Variants in MIPOL1 observed in about 807,000 individuals in gnomAD.
MIPOL1 encodes mirror-image polydactyly 1, also known as mirror-image polydactyly gene 1 protein.
In MIPOL1, 57 loss-of-function variants were observed where a neutral mutation model predicts 60.9. The observed-to-expected ratio is 0.94, with a 90% confidence interval of 0.76 to 1.17. MIPOL1 has a LOEUF of 1.17. Among genes scored for constraint, MIPOL1 ranks in the 50% most tolerant of loss-of-function variants. MIPOL1 has a pLI of 0.00. For missense variants in MIPOL1, 551 were observed against 511.6 expected, an observed-to-expected ratio of 1.08 and a Z score of -0.74; for synonymous variants, 179 against 168.8, an observed-to-expected ratio of 1.06 and a Z score of -0.47.
chr14:37,480,293 T>G (rs1259962077), intron 11 of MIPOL1, among the ~76,000 whole-genome samples: 5 of 152,038 alleles, frequency 3.3e-5, no homozygotes, highest in Admixed American at 3.3e-4. Flanking sequence ...AACATAGATG[T>G]AAAAATTCTC....
Position 37,432,529 on chromosome 14 carries a change from A to G in MIPOL1, c.1031+9580A>G, listed in dbSNP as rs537033697. Among the ~76,000 whole-genome samples, 106 of 152,324 alleles carry G rather than the reference A, an allele frequency of 7.0e-4. 1 individual carries two copies. The highest frequency in any genetic ancestry group is 2.3e-3 in the African/African-American group (95 of 41,582). Reference sequence around the variant, plus strand: ...ATGACATGAACCTAGTCCAGCATGTAGGTTAGTTATTTACACGGATGTGGG... The same window carrying G: ...ATGACATGAACCTAGTCCAGCATGTGGGTTAGTTATTTACACGGATGTGGG... On this transcript the variant is annotated intron_variant, in intron 11 of 12. Transcript: ENST00000684589.
At chr14:37,260,679 C>A (rs917437977) in intron 3 of MIPOL1, among the ~76,000 whole-genome samples, 4 of 151,992 alleles carry the variant, frequency 2.6e-5, no homozygotes, top group Non-Finnish European at 5.9e-5. Flanking sequence ...ATTATGTAGA[C>A]CAATGAAAGT....
intron 12 of MIPOL1, among the ~76,000 whole-genome samples, chr14:37,509,706 T>C (rs1010669578): frequency 1.3e-5 from 2 of 150,706 alleles, no homozygotes; most frequent in Non-Finnish European, 3.0e-5. Flanking sequence ...GATATATATG[T>C]ATGTTTATGT....
intron 10 of MIPOL1, among the ~76,000 whole-genome samples, chr14:37,397,383 G>A (rs1425474081): frequency 6.6e-6 from 1 of 151,754 alleles, no homozygotes; most frequent in East Asian, 1.9e-4. Flanking sequence ...GGTGGTGGGA[G>A]TGGGGAGGGG....
chr14:37,369,821 A>G (rs887919371), intron 10 of MIPOL1, 197 bp downstream of exon 10: 2 of 322,112 alleles, frequency 6.2e-6, no homozygotes, highest in African/African-American at 4.3e-5. Flanking sequence ...CGTGAAAACA[A>G]CACATTTTCT....
intron 1 of MIPOL1, among the ~76,000 whole-genome samples, chr14:37,230,679 A>T (rs1445215522): frequency 6.6e-6 from 1 of 152,228 alleles, no homozygotes; most frequent in Non-Finnish European, 1.5e-5. Flanking sequence ...CATGTTATAG[A>T]TGAAAAGCTG....
At chr14:37,455,571 C>G (rs1476232283) in intron 11 of MIPOL1, among the ~76,000 whole-genome samples, 1 of 152,080 alleles carries the variant, frequency 6.6e-6, no homozygotes, top group Non-Finnish European at 1.5e-5. Context: ...CACCAGTATA[C>G]TTTTGCTCAT....
chr14:37,228,325 C>CTTTTTTTTTTT (rs397961053), intron 1 of MIPOL1, among the ~76,000 whole-genome samples: 4 of 105,172 alleles, frequency 3.8e-5, no homozygotes, highest in Non-Finnish European at 4.2e-5. Flanking sequence ...TCTTTCTTTT[C>CTTTTTTTTTTT]TTTTTTTTTT....
intron 1 of MIPOL1, among the ~76,000 whole-genome samples, chr14:37,202,321 C>G (rs1965468123): frequency 6.6e-6 from 1 of 152,054 alleles, no homozygotes; most frequent in African/African-American, 2.4e-5. Flanking sequence ...ACTATCAATT[C>G]ATTGCAGTTA....
At chr14:37,285,649 T>G (rs2084495113) in intron 7 of MIPOL1, among the ~76,000 whole-genome samples, 1 of 151,612 alleles carries the variant, frequency 6.6e-6, no homozygotes, top group Admixed American at 6.6e-5. Flanking sequence ...TGGAGTGCAG[T>G]GGCGCAATCT....
intron 3 of MIPOL1, among the ~76,000 whole-genome samples, chr14:37,248,317 G>A (rs961246152): frequency 1.3e-5 from 2 of 151,800 alleles, no homozygotes; most frequent in African/African-American, 4.8e-5. Context: ...GACACAGGAA[G>A]GAAGATACTT....
At chr14:37,364,501 T>G (rs1453785740) in intron 9 of MIPOL1, among the ~76,000 whole-genome samples, 2 of 152,226 alleles carry the variant, frequency 1.3e-5, no homozygotes, top group Non-Finnish European at 1.5e-5. Flanking sequence ...CCCCAGTGTA[T>G]GTTCTTGGCA....
intron 11 of MIPOL1, among the ~76,000 whole-genome samples, chr14:37,489,811 C>T (rs1344502044): frequency 6.6e-6 from 1 of 152,166 alleles, no homozygotes; most frequent in African/African-American, 2.4e-5. Flanking sequence ...CTGCCTGTTC[C>T]CTCCTCTGGA....
chr14:37,511,947 G>T (rs924336685), intron 12 of MIPOL1, among the ~76,000 whole-genome samples: 23 of 152,062 alleles, frequency 1.5e-4, no homozygotes, highest in Non-Finnish European at 4.4e-5. Context: ...TGTAAGAAAA[G>T]ATGTATCAAC....
At chr14:37,328,454 T>C (rs1483327610) in intron 9 of MIPOL1, among the ~76,000 whole-genome samples, 1 of 152,140 alleles carries the variant, frequency 6.6e-6, no homozygotes, top group Non-Finnish European at 1.5e-5. Context: ...TCAAAGCTTC[T>C]TAAAAGTTTT....
intron 11 of MIPOL1, among the ~76,000 whole-genome samples, chr14:37,437,891 C>G (rs2094186884): frequency 6.6e-6 from 1 of 152,022 alleles, no homozygotes; most frequent in South Asian, 2.1e-4. Context: ...ATCATTAGCT[C>G]TTTTTTGAGA....
chr14:37,330,710 A>ATTTTT (rs11472946), intron 9 of MIPOL1, among the ~76,000 whole-genome samples: 57 of 138,614 alleles, frequency 4.1e-4, no homozygotes, highest in African/African-American at 1.0e-3. Context: ...TGTCCTCTTC[A>ATTTTT]TTTTTTTTTT....
At chr14:37,530,802 G>A (rs2095474162) in intron 12 of MIPOL1, among the ~76,000 whole-genome samples, 1 of 151,612 alleles carries the variant, frequency 6.6e-6, no homozygotes, top group Non-Finnish European at 1.5e-5. Flanking sequence ...TAAGCAGCTG[G>A]AGGCTGCATG....
intron 9 of MIPOL1, among the ~76,000 whole-genome samples, chr14:37,351,242 T>C (rs1232406307): frequency 2.7e-5 from 4 of 147,214 alleles, no homozygotes; most frequent in African/African-American, 1.0e-4. Context: ...ATGAACTCAT[T>C]CTTTTTTATG....
Sources: allele counts gnomAD v4.1 joint callset (sites outside exome capture counted in the v4.1 genomes callset), GRCh38; gene constraint gnomAD v4.1.1; transcripts MANE v1.5; gene names NCBI Gene and HGNC (gene_info 2026-07-23, HGNC 2026-07-21).